CDH4: variants seen among roughly 807,000 people sequenced by gnomAD.
The protein encoded by CDH4 is cadherin 4.
Under a neutral mutation model 86.0 loss-of-function variants are expected in CDH4, and 33 were observed. The ratio of observed to expected loss-of-function variants is 0.38; its 90% CI spans 0.29 to 0.51. The LOEUF is 0.51. Ranked by LOEUF, CDH4 falls within the 20% of genes least tolerant of loss-of-function variation. The probability of loss-of-function intolerance (pLI) is 0.86; values close to 1 mark genes in which losing one functional copy is unlikely to be tolerated. For missense variants in CDH4, 1,114 were observed against 1,307.4 expected, an observed-to-expected ratio of 0.85 and a Z score of 2.28; for synonymous variants, 555 against 549.4, an observed-to-expected ratio of 1.01 and a Z score of -0.14.
At chr20:61,270,634 G>A (rs1219150564) in intron 2 of CDH4, among the ~76,000 whole-genome samples, 1 of 152,278 alleles carries the variant, frequency 6.6e-6, no homozygotes, top group East Asian at 1.9e-4. Context: ...AAGGTTAATG[G>A]CTGGTAAACG....
rs148457269 is a variant in CDH4 at position 61,744,544 on chromosome 20, A to G, written c.396+755A>G. 1.0e-2 allele frequency among the ~76,000 whole-genome samples: 940 copies of G among 94,232 alleles called. 36 individuals carry two copies. The highest frequency in any genetic ancestry group is 0.035 in the African/African-American group (880 of 24,908). The allele number at this position is 94,232 out of a possible 152,430, so 61.8% of individuals were successfully genotyped here. On this transcript the variant is annotated intron_variant, in intron 3 of 15. Coordinates refer to ENST00000614565, the MANE Select transcript of CDH4 (RefSeq NM_001794.5). ...AAGAGAGGGAGAGAGAGAAGGAGGGAGAGAGATGGAGAGAGGTGGAGGGAG... is the reference window on the plus strand; with the variant it reads ...AAGAGAGGGAGAGAGAGAAGGAGGGGGAGAGATGGAGAGAGGTGGAGGGAG...
intron 2 of CDH4, among the ~76,000 whole-genome samples, chr20:61,650,823 C>T (rs1313179542): frequency 1.3e-5 from 2 of 152,246 alleles, no homozygotes; most frequent in African/African-American, 4.8e-5. Flanking sequence ...CTCCGTCTCT[C>T]TTGCTGGTGT....
chr20:61,711,355 T>C (rs1429741163), intron 2 of CDH4, among the ~76,000 whole-genome samples: 1 of 152,222 alleles, frequency 6.6e-6, no homozygotes, highest in Non-Finnish European at 1.5e-5. Flanking sequence ...CAGTCTCAGA[T>C]ATTTCCATAT....
At chr20:61,602,642 C>A (rs1395839967) in intron 2 of CDH4, among the ~76,000 whole-genome samples, 4 of 147,376 alleles carry the variant, frequency 2.7e-5, no homozygotes, top group African/African-American at 5.0e-5. Flanking sequence ...CCTGAAGCTG[C>A]AGCCCGTTCT....
At chr20:61,785,622 C>T (rs1406273450) in intron 4 of CDH4, among the ~76,000 whole-genome samples, 1 of 151,354 alleles carries the variant, frequency 6.6e-6, no homozygotes, top group Non-Finnish European at 1.5e-5. Context: ...AGGGCCCCCA[C>T]CCAGGTTTGC....
At chr20:61,421,813 G>C (rs2085179292) in intron 2 of CDH4, among the ~76,000 whole-genome samples, 1 of 152,158 alleles carries the variant, frequency 6.6e-6, no homozygotes, top group South Asian at 2.1e-4. Context: ...AGGCCCACTG[G>C]GTGTGCACTA....
chr20:61,294,652 G>A (rs2084342199), intron 2 of CDH4, among the ~76,000 whole-genome samples: 1 of 152,130 alleles, frequency 6.6e-6, no homozygotes, highest in African/African-American at 2.4e-5. Flanking sequence ...GGCCTGTGTC[G>A]CTACACGCAG....
rs185755306 is a variant in CDH4 at position 61,572,475 on chromosome 20, C to T, written c.170-171088C>T. On this transcript the variant is annotated intron_variant, in intron 2 of 15. Transcript: ENST00000614565. ...GCACGTCTTGAAGGACTGAGGGAAA[C>T]GGCCGGCTGGGGTGAGCCTCTGCCC... 3.2e-3 allele frequency among the ~76,000 whole-genome samples: 491 copies of T among 152,182 alleles called. 3 individuals carry two copies. Among genetic ancestry groups the T allele is most frequent in the African/African-American group, 0.011 (465 of 41,518 alleles).
intron 2 of CDH4, among the ~76,000 whole-genome samples, chr20:61,399,285 A>G (rs2085036692): frequency 9.2e-6 from 1 of 108,118 alleles, no homozygotes; most frequent in Non-Finnish European, 1.8e-5. Context: ...GGCGCCCGCC[A>G]CCATGCCCGG....
At position 61,879,538 on chromosome 20, in the gene CDH4, A is replaced by C. The variant is rs1327792822; in HGVS notation, c.1050+5638A>C. Among the ~76,000 whole-genome samples the C allele has an allele frequency of 1.3e-5, 2 of 152,178 alleles. No individual in the cohort carries two copies. The highest frequency in any genetic ancestry group is 4.8e-5 in the African/African-American group (2 of 41,434). ...ATTGCCGCCGTGTCTAATTAGGCAG[A>C]GCTATGTAAATTGAGCGCTTCTACT... is the stretch of plus-strand genomic sequence containing the variant. On this transcript the variant is annotated intron_variant, in intron 7 of 15. Coordinates refer to ENST00000614565, the MANE Select transcript of CDH4 (RefSeq NM_001794.5). The surrounding 1 kb of genome is among the most constrained non-coding windows in gnomAD (Gnocchi z 4.1).
intron 2 of CDH4, among the ~76,000 whole-genome samples, chr20:61,595,205 G>A (rs1260434552): frequency 6.6e-6 from 1 of 152,228 alleles, no homozygotes; most frequent in African/African-American, 2.4e-5. Context: ...TCCCTCTGCT[G>A]CCAATGTCTG....
intron 2 of CDH4, among the ~76,000 whole-genome samples, chr20:61,586,603 T>C (rs2145726721): frequency 6.6e-6 from 1 of 152,288 alleles, no homozygotes; most frequent in Non-Finnish European, 1.5e-5. Context: ...TAAGCAGCAT[T>C]TGATCCTTCA....
At chr20:61,743,526 C>T in intron 2 of CDH4, 37 bp from the exon 3 acceptor site, 1 of 1,523,626 alleles carries the variant, frequency 6.6e-7, no homozygotes, top group Non-Finnish European at 8.9e-7. Context: ...CTTCTGCTGG[C>T]CAAGCCGACC....
At chr20:61,450,795 A>T (rs2085375042) in intron 2 of CDH4, among the ~76,000 whole-genome samples, 1 of 145,530 alleles carries the variant, frequency 6.9e-6, no homozygotes, top group Admixed American at 6.8e-5. Context: ...CCTGCTCTCC[A>T]ATGGAGAGAG....
intron 2 of CDH4, among the ~76,000 whole-genome samples, chr20:61,384,644 T>C (rs6061266): frequency 0.25 from 37,446 of 152,094 alleles, 4,998 homozygotes; most frequent in African/African-American, 0.34. Flanking sequence ...TTCTTCTGAC[T>C]TGCCTTCCAA....
rs1414692632 is a variant in CDH4, at chr20:61,565,303, GCTC to G, written c.170-178259_170-178257del. 9.8e-5 allele frequency among the ~76,000 whole-genome samples: 5 copies of G among 51,280 alleles called. 1 individual carries two copies. The highest frequency in any genetic ancestry group is 1.7e-4 in the Non-Finnish European group (4 of 24,236). 33.6% of individuals were successfully genotyped at this position (51,280 alleles called of 152,430 possible). ...GTGATGGGGTGATGGTGGTGGCGGTGCTCTTGGTGGTGGCGGTGCTCTTGGTGA... is the reference window on the plus strand; with the variant it reads ...GTGATGGGGTGATGGTGGTGGCGGTGTTGGTGGTGGCGGTGCTCTTGGTGA... On this transcript the variant is annotated intron_variant, in intron 2 of 15. Transcript: ENST00000614565.
chr20:61,680,272 G>T (rs1056483652), intron 2 of CDH4, among the ~76,000 whole-genome samples: 1 of 152,202 alleles, frequency 6.6e-6, no homozygotes, highest in African/African-American at 2.4e-5. Context: ...GAGGGACAGG[G>T]TGCCAGGCTG....
chr20:61,295,213 T>A (rs2123191511), intron 2 of CDH4, among the ~76,000 whole-genome samples: 1 of 152,372 alleles, frequency 6.6e-6, no homozygotes, highest in South Asian at 2.1e-4. Context: ...CTTAAAGCAC[T>A]GTCCCTGTTT....
chr20:61,327,708 C>T (rs1357401928), intron 2 of CDH4, among the ~76,000 whole-genome samples: 1 of 152,042 alleles, frequency 6.6e-6, no homozygotes, highest in African/African-American at 2.4e-5. Flanking sequence ...ATGGACACAC[C>T]CTTTGACCCA....
Sources: allele counts gnomAD v4.1 joint callset (sites outside exome capture counted in the v4.1 genomes callset), GRCh38; gene constraint gnomAD v4.1.1; non-coding constraint Gnocchi (gnomAD v3.1); transcripts MANE v1.5; gene names NCBI Gene and HGNC (gene_info 2026-07-23, HGNC 2026-07-21).